The following PCDHGA5 variants were observed in gnomAD, a reference collection of about 807,000 sequenced individuals.
The protein encoded by PCDHGA5 is protocadherin gamma-A5.
Under a neutral mutation model 56.7 loss-of-function variants are expected in PCDHGA5, and 36 were observed. The observed-to-expected ratio is 0.64, with a 90% CI of 0.49 to 0.84. PCDHGA5 has a LOEUF of 0.84. Ranked by LOEUF, PCDHGA5 falls within the 40% of genes least tolerant of loss-of-function variation. The pLI is 0.00. For missense variants in PCDHGA5, 1,305 were observed against 1,201.5 expected (o/e 1.09, Z -1.27); for synonymous variants, 563 against 520.2 (o/e 1.08, Z -1.12).
intron 1 of PCDHGA5, chr5:141,383,934 A>G (rs756515135): frequency 2.5e-6 from 4 of 1,613,944 alleles, no homozygotes; most frequent in Non-Finnish European, 3.4e-6. Flanking sequence ...ATAATGCTCC[A>G]GAAGTGACTA....
intron 1 of PCDHGA5, among the ~76,000 whole-genome samples, chr5:141,368,185 A>G (rs77366155): frequency 0.033 from 4,989 of 152,312 alleles, 94 homozygotes; most frequent in African/African-American, 0.059. Flanking sequence ...ATGACTAAAT[A>G]AGGGGAAAAG....
chr5:141,410,660 T>C (rs911543817), intron 1 of PCDHGA5: 12 of 1,572,396 alleles, frequency 7.6e-6, no homozygotes, highest in African/African-American at 2.7e-5. Context: ...TCTAATAGTC[T>C]ACTAGTTTCT....
At chr5:141,412,932 T>C (rs2095590399) in intron 1 of PCDHGA5, 3 of 453,328 alleles carry the variant, frequency 6.6e-6, no homozygotes, top group South Asian at 1.0e-4. Flanking sequence ...AGTAACTTCT[T>C]AGGACTCTGA....
intron 1 of PCDHGA5, chr5:141,383,069 G>A (rs370612007): frequency 6.2e-7 from 1 of 1,613,886 alleles, no homozygotes; most frequent in South Asian, 1.1e-5. Flanking sequence ...CTGGAGCCCC[G>A]GGAGCTGGCG....
At chr5:141,441,984 A>G (rs1202392318) in intron 1 of PCDHGA5, 4 of 275,400 alleles carry the variant, frequency 1.5e-5, no homozygotes, top group South Asian at 7.2e-5. Flanking sequence ...TGGAATGCGC[A>G]CCGACGAGGT....
intron 1 of PCDHGA5, chr5:141,411,352 C>T (rs1002274073): frequency 2.6e-5 from 4 of 152,176 alleles, no homozygotes; most frequent in African/African-American, 9.7e-5. Flanking sequence ...GAAAGTATCA[C>T]TTGAGCCCAA....
In PCDHGA5 at chr5:141,366,157, T is replaced by C. The variant is rs1277783884; in HGVS notation, c.1827T>C (p.Leu609=). 1 of 1,614,080 alleles carries C rather than the reference T, an allele frequency of 6.2e-7. No homozygotes were observed. Among genetic ancestry groups the C allele is most frequent in the South Asian group, 1.1e-5 (1 of 91,084 alleles). Residue 609 remains leucine, a synonymous_variant, in exon 1 of 4, where the codon CTT becomes CTC. Coordinates refer to ENST00000518069, the MANE Select transcript of PCDHGA5 (RefSeq NM_018918.3). ...GQNAWLSYRL[L]KASEPGLFAV... The stretch of plus-strand genomic sequence containing the variant: ...ACGCCTGGCTGTCCTACCGCCTGCT[T>C]AAGGCCAGCGAGCCAGGACTCTTTG...
intron 1 of PCDHGA5, chr5:141,419,533 C>A: frequency 6.2e-7 from 1 of 1,612,106 alleles, no homozygotes; most frequent in Non-Finnish European, 8.5e-7. Flanking sequence ...GTAACGACAA[C>A]GCACCGCGGG....
chr5:141,426,790 A>T, intron 1 of PCDHGA5: 1 of 456,732 alleles, frequency 2.2e-6, no homozygotes, highest in Middle Eastern at 3.3e-4. Flanking sequence ...CTCCAGAGTT[A>T]CCAGCTCAGT....
At chr5:141,370,763 C>T (rs1309192707) in intron 1 of PCDHGA5, 1 of 1,613,816 alleles carries the variant, frequency 6.2e-7, no homozygotes, top group African/African-American at 1.3e-5. Context: ...CTGTGCTGAT[C>T]CAGGATATTA....
chr5:141,491,390 T>G lies in PCDHGA5; in HGVS notation c.2422-3417T>G. 1 of 1,614,130 alleles carries G rather than the reference T, an allele frequency of 6.2e-7. No individual in the cohort carries two copies. Among genetic ancestry groups the G allele is most frequent in the Admixed American group, 1.7e-5 (1 of 60,028 alleles). ...TTCACCTTTCTGTCAGCGAAGTGCC[T>G]TCAGGGAAACGCAGACGGGGACGGG... On this transcript the variant is annotated intron_variant, in intron 1 of 3. Transcript: ENST00000518069. The surrounding 1 kb of genome is among the most constrained non-coding windows in gnomAD (Gnocchi z 6.9).
intron 1 of PCDHGA5, chr5:141,408,109 C>T (rs1011504923): frequency 3.5e-6 from 5 of 1,445,662 alleles, no homozygotes; most frequent in Non-Finnish European, 4.6e-6. Flanking sequence ...AGACCCGGGA[C>T]TCCTCCTGTC....
Position 141,476,201 on chromosome 5 carries a change from G to C in PCDHGA5, c.2422-18606G>C. ...GCTTCTGCTTGGTGCCTTGAACAAG[G>C]CTTCCACGGTCATTCACTATGAGAT... is the stretch of plus-strand genomic sequence containing the variant. On this transcript the variant is annotated intron_variant, in intron 1 of 3. Coordinates refer to ENST00000518069, the MANE Select transcript of PCDHGA5 (RefSeq NM_018918.3). This position sits in a 1 kb window ranked among gnomAD's most constrained non-coding sequence, Gnocchi z 7.6. 6.2e-7 allele frequency: 1 copy of C among 1,613,986 alleles called. No individual in the cohort carries two copies. The highest frequency in any genetic ancestry group is 8.5e-7 in the Non-Finnish European group (1 of 1,180,028).
chr5:141,423,177 C>G (rs748689237), intron 1 of PCDHGA5: 7 of 1,613,430 alleles, frequency 4.3e-6, no homozygotes, highest in Non-Finnish European at 5.1e-6. Context: ...TCCAGGACCA[C>G]GGCCAGCCCC....
chr5:141,497,497 C>T (rs1318882060), intron 2 of PCDHGA5, among the ~76,000 whole-genome samples: 1 of 151,714 alleles, frequency 6.6e-6, no homozygotes, highest in Non-Finnish European at 1.5e-5. Context: ...TCTCTCTCTC[C>T]TCTCTCTGCT....
At chr5:141,428,002 T>G in intron 1 of PCDHGA5, 1 of 1,601,328 alleles carries the variant, frequency 6.2e-7, no homozygotes, top group Non-Finnish European at 8.5e-7. Context: ...TCCGCACTCT[T>G]CGATATAGTG....
chr5:141,404,982 G>GGATTA (rs1244941764), intron 1 of PCDHGA5: 10 of 1,613,938 alleles, frequency 6.2e-6, no homozygotes, highest in Non-Finnish European at 8.5e-6. Context: ...GACCTGGGCA[G>GGATTA]TCTTCAGATC....
intron 1 of PCDHGA5, chr5:141,413,663 A>T: frequency 6.2e-7 from 1 of 1,613,844 alleles, no homozygotes; most frequent in Non-Finnish European, 8.5e-7. Flanking sequence ...GAAGCTATTG[A>T]TCCGGATGTG....
At chr5:141,382,861 TC>T in intron 1 of PCDHGA5, 1 of 1,514,402 alleles carries the variant, frequency 6.6e-7, no homozygotes, top group South Asian at 1.3e-5. Flanking sequence ...CTGAAGCACT[TC>T]CCGAGATCGG....
Sources: gnomAD v4.1 joint callset for allele counts (sites outside exome capture counted in the v4.1 genomes callset) on GRCh38, gnomAD v4.1.1 for gene constraint, Gnocchi (gnomAD v3.1) non-coding constraint, MANE v1.5 for transcripts, NCBI Gene and HGNC (gene_info 2026-07-23, HGNC 2026-07-21) for gene names.